The following ASIC2 variants were observed in gnomAD, a reference collection of about 807,000 sequenced individuals.
The protein encoded by ASIC2 is acid sensing ion channel subunit 2.
ASIC2 carries 25 observed loss-of-function variants against 57.3 expected under a neutral mutation model. The observed-to-expected ratio is 0.44, with a 90% CI of 0.32 to 0.61. ASIC2 has a LOEUF of 0.61. ASIC2 is among the 20% of genes least tolerant of loss of function. ASIC2 has a pLI of 0.06. For missense variants in ASIC2, 641 were observed against 738.1 expected, an observed-to-expected ratio of 0.87 and a Z score of 1.52; for synonymous variants, 319 against 307.5, an observed-to-expected ratio of 1.04 and a Z score of -0.39.
intron 1 of ASIC2, among the ~76,000 whole-genome samples, chr17:33,540,963 T>C (rs1915389601): frequency 6.6e-6 from 1 of 152,188 alleles, no homozygotes; most frequent in Non-Finnish European, 1.5e-5. Flanking sequence ...CAGGTTGAAA[T>C]GTTATTTTCA....
chr17:33,568,046 T>C (rs1389585314), intron 1 of ASIC2, among the ~76,000 whole-genome samples: 1 of 152,218 alleles, frequency 6.6e-6, no homozygotes, highest in African/African-American at 2.4e-5. Context: ...TTTTTATATT[T>C]GATTACTCTT....
At chr17:33,943,828 G>A (rs765424198) in intron 1 of ASIC2, among the ~76,000 whole-genome samples, 54 of 152,070 alleles carry the variant, frequency 3.6e-4, no homozygotes, top group Non-Finnish European at 4.3e-4. Context: ...CCTTGGTAGG[G>A]TGAGTATTGT....
intron 1 of ASIC2, among the ~76,000 whole-genome samples, chr17:33,302,689 A>G (rs779461659): frequency 1.3e-5 from 2 of 152,094 alleles, no homozygotes; most frequent in Admixed American, 6.6e-5. Context: ...TTCCCTGTCT[A>G]CCCACAAGAA....
intron 1 of ASIC2, among the ~76,000 whole-genome samples, chr17:34,103,109 A>C (rs570157792): frequency 6.6e-6 from 1 of 152,308 alleles, no homozygotes; most frequent in East Asian, 1.9e-4. Flanking sequence ...TAACAATGAT[A>C]TATTTTGTTG....
chr17:33,746,795 C>T (rs1910281946), intron 1 of ASIC2, among the ~76,000 whole-genome samples: 1 of 152,116 alleles, frequency 6.6e-6, no homozygotes, highest in Non-Finnish European at 1.5e-5. Flanking sequence ...TCTCATGGAA[C>T]ATTCTCCATG....
At chr17:33,225,933 T>A (rs1907863838) in intron 1 of ASIC2, among the ~76,000 whole-genome samples, 1 of 152,216 alleles carries the variant, frequency 6.6e-6, no homozygotes, top group Non-Finnish European at 1.5e-5. Context: ...CTTTCCTCTC[T>A]CATTTTTTTC....
intron 1 of ASIC2, among the ~76,000 whole-genome samples, chr17:33,776,974 T>A (rs1197382302): frequency 1.3e-5 from 2 of 152,212 alleles, no homozygotes; most frequent in Non-Finnish European, 2.9e-5. Context: ...CGTGTGACCC[T>A]GTGTCTCCCC....
intron 1 of ASIC2, among the ~76,000 whole-genome samples, chr17:33,538,499 G>C (rs1915309117): frequency 6.6e-6 from 1 of 152,206 alleles, no homozygotes; most frequent in Non-Finnish European, 1.5e-5. Context: ...GAAGGACTGA[G>C]AGGGATGCAG....
chr17:33,765,216 C>T (rs976819257), intron 1 of ASIC2, among the ~76,000 whole-genome samples: 4 of 152,200 alleles, frequency 2.6e-5, no homozygotes, highest in Non-Finnish European at 5.9e-5. Context: ...CGCCATTCTC[C>T]TGCCTCAACC....
intron 1 of ASIC2, among the ~76,000 whole-genome samples, chr17:33,311,873 C>G (rs557191379): frequency 6.6e-6 from 1 of 152,322 alleles, no homozygotes; most frequent in Admixed American, 6.5e-5. Context: ...ACACCTTCCT[C>G]TTGAGTTTCT....
At position 34,055,225 on chromosome 17, in the gene ASIC2, G is replaced by A. The variant is rs137926565; in HGVS notation, c.555+100753C>T. On this transcript the variant is annotated intron_variant, in intron 1 of 9. Transcript: ENST00000359872. ...TTTAAGCCACGAAGAGACACGATTCGATTTATATGTTAAAATAACATCTTA... is the reference window on the plus strand; with the variant it reads ...TTTAAGCCACGAAGAGACACGATTCAATTTATATGTTAAAATAACATCTTA... 5.8e-3 allele frequency among the ~76,000 whole-genome samples: 880 copies of A among 152,232 alleles called. 7 individuals are homozygous for A. The highest frequency in any genetic ancestry group is 8.2e-3 in the Non-Finnish European group (559 of 68,002).
At chr17:33,485,802 C>G (rs1913557799) in intron 1 of ASIC2, among the ~76,000 whole-genome samples, 2 of 152,228 alleles carry the variant, frequency 1.3e-5, no homozygotes, top group South Asian at 4.1e-4. Flanking sequence ...TGTGAAATGT[C>G]TGACCCAGAG....
At chr17:33,625,546 C>T (rs1337147098) in intron 1 of ASIC2, among the ~76,000 whole-genome samples, 1 of 152,180 alleles carries the variant, frequency 6.6e-6, no homozygotes, top group Admixed American at 6.5e-5. Context: ...TTGTTTTAAG[C>T]TTCCACATCT....
intron 2 of ASIC2, among the ~76,000 whole-genome samples, chr17:33,090,465 G>T (rs1396206193): frequency 6.6e-6 from 1 of 152,174 alleles, no homozygotes; most frequent in African/African-American, 2.4e-5. Flanking sequence ...GAGATTTATG[G>T]GTCAAGCCTC....
intron 1 of ASIC2, among the ~76,000 whole-genome samples, chr17:33,144,353 C>A (rs540723290): frequency 1.3e-5 from 2 of 151,364 alleles, no homozygotes; most frequent in African/African-American, 4.9e-5. Flanking sequence ...AGAGAGAGAG[C>A]GGGTGGGATA....
At chr17:34,137,053 C>T (rs946667754) in intron 1 of ASIC2, among the ~76,000 whole-genome samples, 1 of 152,220 alleles carries the variant, frequency 6.6e-6, no homozygotes, top group African/African-American at 2.4e-5. Context: ...TCTTTCCAAT[C>T]CCCCTAGAAG....
At chr17:33,978,276 A>G (rs1905468967) in intron 1 of ASIC2, among the ~76,000 whole-genome samples, 1 of 152,182 alleles carries the variant, frequency 6.6e-6, no homozygotes, top group Non-Finnish European at 1.5e-5. Flanking sequence ...GTGAAGGCAG[A>G]GAGAGGAGCT....
At chr17:33,944,854 A>G (rs1322558383) in intron 1 of ASIC2, among the ~76,000 whole-genome samples, 1 of 152,108 alleles carries the variant, frequency 6.6e-6, no homozygotes, top group Non-Finnish European at 1.5e-5. Flanking sequence ...ATCTGATGGT[A>G]ATCTCCACCA....
chr17:34,003,587 C>T (rs1420208861), intron 1 of ASIC2: 1 of 152,140 alleles, frequency 6.6e-6, no homozygotes, highest in Non-Finnish European at 1.5e-5. Flanking sequence ...TCATGATTAA[C>T]TGATGTTTCC....
Sources: gnomAD v4.1 joint callset for allele counts (sites outside exome capture counted in the v4.1 genomes callset) on GRCh38, gnomAD v4.1.1 for gene constraint, MANE v1.5 for transcripts, NCBI Gene and HGNC (gene_info 2026-07-23, HGNC 2026-07-21) for gene names.